The following CSMD1 variants were observed in gnomAD, a reference collection of about 807,000 sequenced individuals.
CSMD1 encodes the protein CUB and sushi domain-containing protein 1.
In CSMD1, 213 loss-of-function variants were observed where a neutral mutation model predicts 417.5. The ratio of observed to expected loss-of-function variants is 0.51; its 90% confidence interval spans 0.46 to 0.57. The LOEUF (loss-of-function observed/expected upper bound fraction) is 0.57, where lower values mean the gene tolerates loss of function less well. CSMD1 is among the 20% of genes least tolerant of loss of function. The probability of loss-of-function intolerance (pLI) is 0.00; values close to 1 mark genes in which losing one functional copy is unlikely to be tolerated. For synonymous variants in CSMD1, 2,862 were observed against 1,736.8 expected (o/e 1.65, Z -16.11); for missense variants, 6,923 against 4,529.7 (o/e 1.53, Z -15.17).
intron 1 of CSMD1, among the ~76,000 whole-genome samples, chr8:4,764,697 AC>A (rs1812327614): frequency 2.7e-5 from 4 of 147,170 alleles, no homozygotes; most frequent in Admixed American, 2.0e-4. Context: ...AAAAAAAAAA[AC>A]CCATCTCTAC....
chr8:3,702,446 C>A (rs1800924575), intron 7 of CSMD1, among the ~76,000 whole-genome samples: 1 of 152,172 alleles, frequency 6.6e-6, no homozygotes, highest in Non-Finnish European at 1.5e-5. Context: ...CTTTAGTAAT[C>A]CTCACATTGA....
At chr8:4,350,585 C>G (rs1236965000) in intron 3 of CSMD1, among the ~76,000 whole-genome samples, 3 of 152,122 alleles carry the variant, frequency 2.0e-5, no homozygotes, top group Admixed American at 6.5e-5. Context: ...CACTTCCACG[C>G]TTACAATGAG....
At chr8:3,225,538 A>G (rs1278484700) in intron 27 of CSMD1, among the ~76,000 whole-genome samples, 1 of 152,190 alleles carries the variant, frequency 6.6e-6, no homozygotes, top group African/African-American at 2.4e-5. Context: ...GAGCTGATGC[A>G]GAGAAAGAAG....
chr8:4,743,180 T>G (rs903702163), intron 1 of CSMD1, among the ~76,000 whole-genome samples: 2 of 152,182 alleles, frequency 1.3e-5, no homozygotes, highest in Non-Finnish European at 2.9e-5. Context: ...ACATAATCTA[T>G]TTCAAGAAAA....
At chr8:3,075,083 C>T (rs969473201) in intron 49 of CSMD1, among the ~76,000 whole-genome samples, 2 of 152,108 alleles carry the variant, frequency 1.3e-5, no homozygotes, top group Non-Finnish European at 2.9e-5. Context: ...CTCACTCTCT[C>T]TTGCTCCTAC....
intron 3 of CSMD1, among the ~76,000 whole-genome samples, chr8:4,157,621 G>C (rs185145646): frequency 6.6e-6 from 1 of 152,200 alleles, no homozygotes; most frequent in Admixed American, 6.5e-5. Flanking sequence ...TTCACGCAGA[G>C]TTGATTTTCA....
intron 3 of CSMD1, among the ~76,000 whole-genome samples, chr8:4,411,950 T>C (rs935921294): frequency 1.3e-5 from 2 of 151,968 alleles, no homozygotes; most frequent in African/African-American, 4.8e-5. Flanking sequence ...TACTAGAACT[T>C]ACGATTTTTG....
chr8:2,970,217 T>A (rs1478211577), intron 57 of CSMD1, among the ~76,000 whole-genome samples: 2 of 152,216 alleles, frequency 1.3e-5, no homozygotes, highest in South Asian at 2.1e-4. Flanking sequence ...TGTGCCTTCA[T>A]AGCCCCACAG....
At chr8:3,440,152 T>C (rs896566593) in intron 12 of CSMD1, among the ~76,000 whole-genome samples, 2 of 152,232 alleles carry the variant, frequency 1.3e-5, no homozygotes, top group Non-Finnish European at 2.9e-5. Flanking sequence ...TACATTTTCA[T>C]ACACATTTTA....
intron 30 of CSMD1, among the ~76,000 whole-genome samples, chr8:3,210,670 A>G (rs1267414160): frequency 6.7e-6 from 1 of 149,044 alleles, no homozygotes; most frequent in African/African-American, 2.4e-5. Flanking sequence ...TTATACATAT[A>G]TATACACACC....
intron 27 of CSMD1, among the ~76,000 whole-genome samples, chr8:3,225,558 G>T (rs1798452872): frequency 1.3e-5 from 2 of 152,018 alleles, no homozygotes; most frequent in Non-Finnish European, 2.9e-5. Context: ...GGTACCTGAA[G>T]GTCTAGAAGA....
chr8:4,008,463 C>G (rs551816016), intron 4 of CSMD1, among the ~76,000 whole-genome samples: 1 of 151,490 alleles, frequency 6.6e-6, no homozygotes, highest in Non-Finnish European at 1.5e-5. Flanking sequence ...TAAATAAATG[C>G]TATTTAAAAT....
intron 3 of CSMD1, among the ~76,000 whole-genome samples, chr8:4,274,188 G>A (rs189722786): frequency 4.3e-4 from 65 of 152,158 alleles, no homozygotes; most frequent in African/African-American, 1.5e-3. Flanking sequence ...AGACATCAAA[G>A]CAGAACCAGA....
chr8:4,384,292 A>G (rs1803298477), intron 3 of CSMD1, among the ~76,000 whole-genome samples: 2 of 152,180 alleles, frequency 1.3e-5, no homozygotes. Flanking sequence ...TTAGCCAATT[A>G]AGATCCATAA....
chr8:3,888,118 G>A (rs979151374), intron 5 of CSMD1, among the ~76,000 whole-genome samples: 3 of 152,156 alleles, frequency 2.0e-5, no homozygotes, highest in Admixed American at 1.3e-4. Context: ...CTTTGCCTAA[G>A]TGGGATAACA....
intron 25 of CSMD1, among the ~76,000 whole-genome samples, chr8:3,305,457 C>T (rs1804757925): frequency 6.6e-6 from 1 of 150,888 alleles, no homozygotes; most frequent in African/African-American, 2.4e-5. Flanking sequence ...AAGGGCTGGG[C>T]CCTCATGAAG....
chr8:3,532,890 C>A (rs759664938), intron 10 of CSMD1, among the ~76,000 whole-genome samples: 1 of 152,080 alleles, frequency 6.6e-6, no homozygotes, highest in Non-Finnish European at 1.5e-5. Flanking sequence ...ATTTTTTAAT[C>A]AATAGTAAAT....
At chr8:4,422,270 G>C (rs1797289965) in intron 2 of CSMD1, among the ~76,000 whole-genome samples, 1 of 152,034 alleles carries the variant, frequency 6.6e-6, no homozygotes, top group South Asian at 2.1e-4. Flanking sequence ...TGGATAGAAT[G>C]CTTTTGTAGT....
intron 3 of CSMD1, among the ~76,000 whole-genome samples, chr8:4,065,574 A>G (rs1799202435): frequency 6.6e-6 from 1 of 152,170 alleles, no homozygotes. Context: ...TTCACTGCTA[A>G]AAGATGTATT....
Sources: gnomAD v4.1 joint callset for allele counts (sites outside exome capture counted in the v4.1 genomes callset) on GRCh38, gnomAD v4.1.1 for gene constraint, MANE v1.5 for transcripts, NCBI Gene and HGNC (gene_info 2026-07-23, HGNC 2026-07-21) for gene names.